Variants in PLCB3 observed in about 807,000 individuals in gnomAD.
The protein encoded by PLCB3 is phospholipase C beta 3.
In PLCB3, 54 loss-of-function variants were observed where a neutral mutation model predicts 152.1. That is an observed-to-expected ratio of 0.36 (90% confidence interval 0.29 to 0.45). The LOEUF (loss-of-function observed/expected upper bound fraction) is 0.45, where lower values mean the gene tolerates loss of function less well. Among genes scored for constraint, PLCB3 ranks in the 20% least tolerant of loss-of-function variants. The probability of loss-of-function intolerance (pLI) is 1.00; values close to 1 mark genes in which losing one functional copy is unlikely to be tolerated. For missense variants in PLCB3, 1,248 were observed against 1,687.5 expected, an observed-to-expected ratio of 0.74 and a Z score of 4.56; for synonymous variants, 717 against 698.7, an observed-to-expected ratio of 1.03 and a Z score of -0.41.
Position 64,266,458 on chromosome 11 carries a change from T to A in PLCB3, c.3357-37T>A, listed in dbSNP as rs2032128375. ...GGGTACTGGGGAGGCAGGGCAGGTG[T>A]CTGGGCCCCGAGCCATCCTGCGTTG... On this transcript the variant is annotated intron_variant, in intron 28 of 30. Transcript: ENST00000279230. This position sits in a 1 kb window ranked among gnomAD's most constrained non-coding sequence, Gnocchi z 4.9. 6.2e-7 allele frequency: 1 copy of A among 1,607,394 alleles called. No homozygotes were observed. Among genetic ancestry groups the A allele is most frequent in the African/African-American group, 1.3e-5 (1 of 74,690 alleles).
downstream of PLCB3, among the ~76,000 whole-genome samples, chr11:64,268,081 C>T (rs1382867929): frequency 3.3e-5 from 5 of 152,130 alleles, no homozygotes; most frequent in Non-Finnish European, 5.9e-5. Flanking sequence ...GCTGAGCTTC[C>T]GTGGCCTTCT....
chr11:64,256,367 C>T lies in PLCB3; in HGVS notation c.699-9C>T, dbSNP rs374121359. 1.2e-6 allele frequency: 2 copies of T among 1,612,220 alleles called. No individual in the cohort carries two copies. Among genetic ancestry groups the T allele is most frequent in the East Asian group, 2.2e-5 (1 of 44,872 alleles). On this transcript the variant is annotated splice_polypyrimidine_tract_variant and intron_variant, in intron 8 of 30. Transcript: ENST00000279230. Reference sequence around the variant, plus strand: ...GCTCCATCCTGACCCAGCTTCCTGTCCCCTCCAGAGGCGCCAAGGGCAAGC... The same window carrying T: ...GCTCCATCCTGACCCAGCTTCCTGTTCCCTCCAGAGGCGCCAAGGGCAAGC...
rs771872374 is a variant in PLCB3 at position 64,257,016 on chromosome 11, T to TTTTTTTTTTTTTTTTTTTTTTTTTTTTTC, written c.1012+257_1012+258insTTTTTTTTTTTTTTTTTTTTTTTCTTTTT. 1.4e-4 allele frequency among the ~76,000 whole-genome samples: 17 copies of TTTTTTTTTTTTTTTTTTTTTTTTTTTTTC among 120,686 alleles called. 1 individual carries two copies. The highest frequency in any genetic ancestry group is 2.9e-4 in the South Asian group (1 of 3,456). 79.2% of individuals were successfully genotyped at this position (120,686 alleles called of 152,430 possible). A position where few individuals can be genotyped will look rare whatever the true frequency, so the allele number is the denominator to read the frequency against. ...AGGGTCCTTTTTTTTTTTTTTTTTT[T>TTTTTTTTTTTTTTTTTTTTTTTTTTTTTC]TTTTTGAGACAGAGTTTCGCTCTTG... On this transcript the variant is annotated intron_variant, in intron 10 of 30. Coordinates refer to ENST00000279230, the MANE Select transcript of PLCB3 (RefSeq NM_000932.5).
intron 10 of PLCB3, among the ~76,000 whole-genome samples, chr11:64,257,016 T>TTTTTTTTTTTTTTTTTTTTTCTTTTTTTC (rs771872374): frequency 8.3e-6 from 1 of 120,590 alleles, no homozygotes; most frequent in African/African-American, 2.9e-5. Context: ...TTTTTTTTTT[T>TTTTTTTTTTTTTTTTTTTTTCTTTTTTTC]TTTTTGAGAC....
intron 1 of PLCB3, among the ~76,000 whole-genome samples, chr11:64,252,134 C>G (rs992845190): frequency 7.2e-5 from 11 of 152,156 alleles, no homozygotes; most frequent in African/African-American, 2.7e-4. Context: ...TCCAGGCTGG[C>G]TGGGGGCATC....
Position 64,266,256 on chromosome 11 carries a change from G to C in PLCB3, c.3266+54G>C. 1 of 1,613,878 alleles carries C rather than the reference G, an allele frequency of 6.2e-7. No homozygotes were observed. Among genetic ancestry groups the C allele is most frequent in the Non-Finnish European group, 8.5e-7 (1 of 1,179,940 alleles). On this transcript the variant is annotated intron_variant, in intron 27 of 30. Coordinates refer to ENST00000279230, the MANE Select transcript of PLCB3 (RefSeq NM_000932.5). The surrounding 1 kb of genome is among the most constrained non-coding windows in gnomAD (Gnocchi z 4.9). ...GGCTGGGGACTTCTAGTACCAGAAG[G>C]AGGGCAGAGTCTGTGCTTCTGCCGC...
intron 8 of PLCB3, among the ~76,000 whole-genome samples, chr11:64,256,156 C>T (rs2135044121): frequency 1.3e-5 from 2 of 152,276 alleles, no homozygotes; most frequent in South Asian, 2.1e-4. Flanking sequence ...CTGGCCATTG[C>T]TGGTGCCCAC....
intron 1 of PLCB3, among the ~76,000 whole-genome samples, chr11:64,252,837 C>T (rs896904929): frequency 1.3e-5 from 2 of 152,018 alleles, no homozygotes; most frequent in Admixed American, 6.5e-5. Context: ...CTGACGGAGG[C>T]TTGGGGCAGG....
rs766030878 is a variant in PLCB3, at chr11:64,255,360, G to A, written c.468-36G>A. On this transcript the variant is annotated intron_variant, in intron 5 of 30. Coordinates refer to ENST00000279230, the MANE Select transcript of PLCB3 (RefSeq NM_000932.5). The surrounding 1 kb of genome is among the most constrained non-coding windows in gnomAD (Gnocchi z 6.8). ...GGGGAGCCGGGGGGTTCACGTGGCCGTTTTCAGGGTGTGACCTCTTCATCT... is the reference window on the plus strand; with the variant it reads ...GGGGAGCCGGGGGGTTCACGTGGCCATTTTCAGGGTGTGACCTCTTCATCT... 2.2e-5 allele frequency: 35 copies of A among 1,613,830 alleles called. No homozygotes were observed. The highest frequency in any genetic ancestry group is 5.3e-5 in the African/African-American group (4 of 74,932).
chr11:64,260,385 C>G, intron 14 of PLCB3, 151 bp downstream of exon 14: 1 of 638,668 alleles, frequency 1.6e-6, no homozygotes, highest in East Asian at 2.8e-5. Flanking sequence ...CTTCAGTCAT[C>G]AGGCATGGAA....
In PLCB3 at chr11:64,266,252, G is replaced by A. The variant is rs1446561586; in HGVS notation, c.3266+50G>A. 7.4e-6 allele frequency: 12 copies of A among 1,613,886 alleles called. No individual in the cohort carries two copies. Among genetic ancestry groups the A allele is most frequent in the South Asian group, 1.1e-5 (1 of 91,046 alleles). On this transcript the variant is annotated intron_variant, in intron 27 of 30. Transcript: ENST00000279230. This position sits in a 1 kb window ranked among gnomAD's most constrained non-coding sequence, Gnocchi z 4.9. ...GAAGGGCTGGGGACTTCTAGTACCA[G>A]AAGGAGGGCAGAGTCTGTGCTTCTG...
rs2031715536 is a variant in PLCB3 at position 64,259,240 on chromosome 11, G to A, written c.1521G>A (p.Gln507=). ...SSAATEPSSP[Q]LGSPSSDSCP... is the part of the protein sequence containing the mutation. ...CGGCCACCGAGCCCTCCTCCCCGCA[G>A]CTGGGTAGGCCCCAGCCCGGCCCGC... The change falls in exon 13 of 31, where the codon CAG becomes CAA. Residue 507 remains glutamine, a synonymous_variant. Coordinates refer to ENST00000279230, the MANE Select transcript of PLCB3 (RefSeq NM_000932.5). 1.3e-6 allele frequency: 2 copies of A among 1,532,006 alleles called. No homozygotes were observed. The highest frequency in any genetic ancestry group is 1.8e-6 in the Non-Finnish European group (2 of 1,139,676). The allele number at this position is 1,532,006 out of a possible 1,614,324, so 94.9% of individuals were successfully genotyped here.
chr11:64,262,283 T>C (rs961446219), intron 17 of PLCB3, 124 bp from the exon 18 acceptor site: 1 of 1,335,822 alleles, frequency 7.5e-7, no homozygotes, highest in Admixed American at 1.8e-5. Context: ...CGGACCCTGA[T>C]GCCATTTGAG....
At chr11:64,265,602 C>A in intron 25 of PLCB3, 100 bp downstream of exon 25, 1 of 1,466,798 alleles carries the variant, frequency 6.8e-7, no homozygotes, top group Admixed American at 2.2e-5. Flanking sequence ...GCTCCTTGAC[C>A]CCCAGGGAGG....
chr11:64,264,391 C>T (rs540985269), intron 22 of PLCB3, among the ~76,000 whole-genome samples: 9 of 152,250 alleles, frequency 5.9e-5, no homozygotes, highest in Non-Finnish European at 1.0e-4. Context: ...GCTGTTCAGA[C>T]GTGGTGTCCT....
At chr11:64,264,532 C>T (rs945113114) in intron 22 of PLCB3, among the ~76,000 whole-genome samples, 6 of 152,168 alleles carry the variant, frequency 3.9e-5, no homozygotes, top group East Asian at 3.9e-4. Context: ...TTAGGGCTGC[C>T]TGGAGCTGTT....
rs1420832235 is a variant in PLCB3 at position 64,265,410 on chromosome 11, T to C, written c.2943T>C (p.His981=). The change falls in exon 25 of 31, where the codon CAT becomes CAC. Residue 981 remains histidine (H), a synonymous_variant. Coordinates refer to ENST00000279230, the MANE Select transcript of PLCB3 (RefSeq NM_000932.5). ...ERDLRELRKK[H]QRKAVTLTRR... is the part of the protein sequence containing the mutation. Reference sequence around the variant, plus strand: ...ACCTGCGGGAGCTGCGCAAGAAGCATCAGCGGAAGGCAGTCACCCTCACCC... The same window carrying C: ...ACCTGCGGGAGCTGCGCAAGAAGCACCAGCGGAAGGCAGTCACCCTCACCC... 6.2e-7 allele frequency: 1 copy of C among 1,612,212 alleles called. No individual in the cohort carries two copies. Among genetic ancestry groups the C allele is most frequent in the Admixed American group, 1.7e-5 (1 of 59,994 alleles).
At position 64,255,776 on chromosome 11, in the gene PLCB3, A is replaced by T; in HGVS notation, c.653A>T (p.Asn218Ile). ...FSLEIFERFL[N>I]KLCLRPDIDK... ...TTGGAAATCTTTGAGCGGTTCCTGA[A>T]CAAGCTGTGTCTGCGGCCGGACATT... Residue 218 changes from asparagine (N) to isoleucine (I), a missense_variant, in exon 8 of 31, where the codon AAC (asparagine) becomes ATC (isoleucine). By Grantham distance (149) the Asn-to-Ile change is moderately radical (BLOSUM62 -3). This residue lies in a region of PLCB3 where 299 missense variants were observed against 434.7 expected (regional missense o/e 0.69). Coordinates refer to ENST00000279230, the MANE Select transcript of PLCB3 (RefSeq NM_000932.5). The surrounding 1 kb of genome is among the most constrained non-coding windows in gnomAD (Gnocchi z 6.8). The T allele has an allele frequency of 6.2e-7, 1 of 1,614,098 alleles. No homozygotes were observed. The highest frequency in any genetic ancestry group is 8.5e-7 in the Non-Finnish European group (1 of 1,179,994).
At position 64,258,564 on chromosome 11, in the gene PLCB3, A is replaced by C. The variant is rs1393915942; in HGVS notation, c.1104A>C (p.Gly368=). 1 of 1,613,768 alleles carries C rather than the reference A, an allele frequency of 6.2e-7. No individual in the cohort carries two copies. The highest frequency in any genetic ancestry group is 8.5e-7 in the Non-Finnish European group (1 of 1,179,990). ...CRCVELDVWK[G]RPPEEEPFIT... ...GCGTGGAGCTGGACGTGTGGAAGGGACGGCCGCCTGAGGAGGAACCCTTCA... is the reference window on the plus strand; with the variant it reads ...GCGTGGAGCTGGACGTGTGGAAGGGCCGGCCGCCTGAGGAGGAACCCTTCA... The change falls in exon 11 of 31, where the codon GGA becomes GGC. Residue 368 remains glycine (G), a synonymous_variant. Coordinates refer to ENST00000279230, the MANE Select transcript of PLCB3 (RefSeq NM_000932.5). This position sits in a 1 kb window ranked among gnomAD's most constrained non-coding sequence, Gnocchi z 7.2.
Sources: allele counts gnomAD v4.1 joint callset (sites outside exome capture counted in the v4.1 genomes callset), GRCh38; gene constraint gnomAD v4.1.1; regional missense constraint gnomAD v4.1.1; non-coding constraint Gnocchi (gnomAD v3.1); transcripts MANE v1.5; gene names NCBI Gene and HGNC (gene_info 2026-07-23, HGNC 2026-07-21).